IL1RAPL2: variants seen among roughly 807,000 people sequenced by gnomAD.
The protein encoded by IL1RAPL2 is interleukin 1 receptor accessory protein like 2.
A neutral mutation model predicts 44.1 loss-of-function variants in IL1RAPL2; 3 were observed. The ratio of observed to expected loss-of-function variants is 0.07; its 90% CI spans 0.03 to 0.18. The LOEUF is 0.18. Among genes scored for constraint, IL1RAPL2 ranks in the 10% least tolerant of loss-of-function variants. The pLI is 1.00. For synonymous variants in IL1RAPL2, 181 were observed against 178.8 expected (o/e 1.01, Z -0.10); for missense variants, 391 against 496.4 (o/e 0.79, Z 2.02).
At chrX:105,027,375 G>C (rs1386769307) in intron 2 of IL1RAPL2, among the ~76,000 whole-genome samples, 1 of 111,445 alleles carries the variant, frequency 9.0e-6, no homozygotes, top group Non-Finnish European at 1.9e-5. Context: ...AATCGTCAAA[G>C]TGAAGAGACA....
intron 1 of IL1RAPL2, among the ~76,000 whole-genome samples, chrX:104,655,082 A>T (rs920305356): frequency 2.7e-5 from 3 of 111,460 alleles, no homozygotes; most frequent in African/African-American, 9.8e-5. Flanking sequence ...GGCTGAGATG[A>T]TGGGGTTTTC....
At chrX:105,090,212 C>T (rs1012739580) in intron 2 of IL1RAPL2, among the ~76,000 whole-genome samples, 1 of 111,142 alleles carries the variant, frequency 9.0e-6, no homozygotes, top group Admixed American at 9.6e-5. Flanking sequence ...CTCAGTATCT[C>T]CAAGGATTGG....
In IL1RAPL2 at chrX:105,767,175, G is replaced by C. The variant is rs2038738440; in HGVS notation, c.1575G>C (p.Lys525Asn). The change falls in exon 11 of 11, where the codon AAG becomes AAC. Residue 525 changes from lysine to asparagine, a missense_variant. Coordinates refer to ENST00000372582, the MANE Select transcript of IL1RAPL2 (RefSeq NM_017416.2). ...KVNCQEVESL[K>N]RSIKLLSLIK... Reference sequence around the variant, plus strand: ...ATTGCCAGGAAGTGGAATCACTAAAGCGTAGCATCAAACTTCTGTCCCTGA... The same window carrying C: ...ATTGCCAGGAAGTGGAATCACTAAACCGTAGCATCAAACTTCTGTCCCTGA... 1 of 1,208,832 alleles carries C rather than the reference G, an allele frequency of 8.3e-7. No homozygotes were observed. The highest frequency in any genetic ancestry group is 2.2e-5 in the Admixed American group (1 of 45,752).
At chrX:105,543,750 A>G (rs2063320947) in intron 6 of IL1RAPL2, among the ~76,000 whole-genome samples, 1 of 112,246 alleles carries the variant, frequency 8.9e-6, no homozygotes, top group African/African-American at 3.2e-5. Context: ...ATAAATGTAA[A>G]GGTTTATTTC....
At chrX:105,640,073 CTATT>C (rs951067254) in intron 6 of IL1RAPL2, among the ~76,000 whole-genome samples, 2 of 110,562 alleles carry the variant, frequency 1.8e-5, no homozygotes, top group African/African-American at 6.6e-5. Context: ...ATCTATCTAT[CTATT>C]TATTATTTTT....
intron 2 of IL1RAPL2, among the ~76,000 whole-genome samples, chrX:104,893,964 T>C (rs1923552080): frequency 8.9e-6 from 1 of 111,740 alleles, no homozygotes; most frequent in Admixed American, 9.5e-5. Context: ...CTTCAGGAGC[T>C]CTTTTAGGGC....
At chrX:105,442,479 C>G (rs1368023882) in intron 5 of IL1RAPL2, among the ~76,000 whole-genome samples, 1 of 111,989 alleles carries the variant, frequency 8.9e-6, no homozygotes, top group African/African-American at 3.2e-5. Flanking sequence ...CAATACTGCT[C>G]TCTGTCACTA....
chrX:104,670,692 C>T (rs753507551), intron 2 of IL1RAPL2, among the ~76,000 whole-genome samples: 7 of 110,829 alleles, frequency 6.3e-5, no homozygotes, highest in Non-Finnish European at 1.1e-4. Flanking sequence ...TATATATGGT[C>T]CTGTCACCCA....
At chrX:104,999,271 A>G (rs896515956) in intron 2 of IL1RAPL2, among the ~76,000 whole-genome samples, 1 of 111,724 alleles carries the variant, frequency 9.0e-6, no homozygotes, top group African/African-American at 3.3e-5. Flanking sequence ...GTGCCAAGAT[A>G]CTATGTGTAC....
At chrX:105,104,947 A>G (rs944355011) in intron 2 of IL1RAPL2, among the ~76,000 whole-genome samples, 2 of 112,101 alleles carry the variant, frequency 1.8e-5, no homozygotes, top group African/African-American at 6.5e-5. Context: ...CTTAAATAAT[A>G]TATTTATTTT....
At chrX:105,542,773 G>A (rs1331405958) in intron 6 of IL1RAPL2, among the ~76,000 whole-genome samples, 10 of 94,658 alleles carry the variant, frequency 1.1e-4, no homozygotes, top group African/African-American at 3.9e-4. Context: ...TCGCTCTGTC[G>A]CCCAGGCTGG....
chrX:105,722,757 A>G (rs1452897834), intron 7 of IL1RAPL2, among the ~76,000 whole-genome samples: 1 of 111,532 alleles, frequency 9.0e-6, no homozygotes, highest in Non-Finnish European at 1.9e-5. Flanking sequence ...TTTATAAACA[A>G]CAGAAATGTA....
At chrX:105,593,286 G>A (rs1327250909) in intron 6 of IL1RAPL2, among the ~76,000 whole-genome samples, 1 of 111,450 alleles carries the variant, frequency 9.0e-6, no homozygotes, top group Non-Finnish European at 1.9e-5. Flanking sequence ...AAATCAGTTT[G>A]GTTCTTTTTT....
chrX:105,364,409 T>C lies in IL1RAPL2; in HGVS notation c.697+96868T>C, dbSNP rs765545596. Among the ~76,000 whole-genome samples, 4 of 111,252 alleles carry C rather than the reference T, an allele frequency of 3.6e-5. No homozygotes were observed. In the South Asian group the frequency reaches 1.5e-3, roughly 41 times the overall value. ...GATTGCTTTGGCTCTTTGGGGTTTT[T>C]TTCTGGTTCCATATGAATTTTAGGA... On this transcript the variant is annotated intron_variant, in intron 5 of 10. Coordinates refer to ENST00000372582, the MANE Select transcript of IL1RAPL2 (RefSeq NM_017416.2).
intron 6 of IL1RAPL2, among the ~76,000 whole-genome samples, chrX:105,711,413 G>C (rs746095529): frequency 9.0e-6 from 1 of 110,544 alleles, no homozygotes; most frequent in African/African-American, 3.3e-5. Flanking sequence ...TCTCAATAAT[G>C]GCACTAATCC....
At chrX:105,409,658 G>A (rs898636727) in intron 5 of IL1RAPL2, among the ~76,000 whole-genome samples, 5 of 110,716 alleles carry the variant, frequency 4.5e-5, no homozygotes, top group Non-Finnish European at 9.5e-5. Context: ...AAAAATTCCA[G>A]GCTCATATTA....
At chrX:105,147,309 C>T (rs951015901) in intron 2 of IL1RAPL2, among the ~76,000 whole-genome samples, 7 of 111,749 alleles carry the variant, frequency 6.3e-5, no homozygotes, top group Non-Finnish European at 1.1e-4. Flanking sequence ...AGGGTTAGCT[C>T]GGTGACTAGA....
chrX:105,192,968 G>A (rs929627717), intron 2 of IL1RAPL2, among the ~76,000 whole-genome samples: 3 of 111,515 alleles, frequency 2.7e-5, no homozygotes, highest in African/African-American at 9.8e-5. Flanking sequence ...ATCAGTGTAC[G>A]CTCCAGGTCT....
At chrX:104,991,412 A>G (rs769028675) in intron 2 of IL1RAPL2, among the ~76,000 whole-genome samples, 1 of 111,118 alleles carries the variant, frequency 9.0e-6, no homozygotes, top group African/African-American at 3.3e-5. Flanking sequence ...CCAACAGAAA[A>G]TTGAGATAAT....
Sources: allele counts gnomAD v4.1 joint callset (sites outside exome capture counted in the v4.1 genomes callset), GRCh38; gene constraint gnomAD v4.1.1; transcripts MANE v1.5; gene names NCBI Gene and HGNC (gene_info 2026-07-23, HGNC 2026-07-21).